NLRP12: variants seen among roughly 807,000 people sequenced by gnomAD.
The protein encoded by NLRP12 is NACHT, LRR and PYD domains-containing protein 12.
Under a neutral mutation model 91.2 loss-of-function variants are expected in NLRP12, and 108 were observed. The observed-to-expected ratio is 1.18, with a 90% confidence interval of 1.01 to 1.39. The LOEUF (loss-of-function observed/expected upper bound fraction) is 1.39, where lower values mean the gene tolerates loss of function less well. Ranked by LOEUF, NLRP12 falls within the 40% of genes most tolerant of loss-of-function variation. The pLI is 0.00. For missense variants in NLRP12, 1,530 were observed against 1,352.7 expected, an observed-to-expected ratio of 1.13 and a Z score of -2.06; for synonymous variants, 613 against 566.7, an observed-to-expected ratio of 1.08 and a Z score of -1.16.
chr19:53,804,995 A>AC (rs2091934502), intron 5 of NLRP12, among the ~76,000 whole-genome samples: 1 of 152,040 alleles, frequency 6.6e-6, no homozygotes, highest in Non-Finnish European at 1.5e-5. Flanking sequence ...GTGCCACTGC[A>AC]CCCCAACTTG....
intron 2 of NLRP12, among the ~76,000 whole-genome samples, chr19:53,812,453 G>A (rs1020362278): frequency 6.6e-6 from 1 of 152,022 alleles, no homozygotes; most frequent in East Asian, 1.9e-4. Flanking sequence ...TTCTTAATTG[G>A]GGTGACTGTG....
At position 53,820,461 on chromosome 19, in the gene NLRP12, C is replaced by T. The variant is rs563643794; in HGVS notation, c.289+3425G>A. Among the ~76,000 whole-genome samples, 115 of 151,114 alleles carry T rather than the reference C, an allele frequency of 7.6e-4. 1 individual carries two copies. Among genetic ancestry groups the T allele is most frequent in the African/African-American group, 2.5e-3 (103 of 41,234 alleles). Reference sequence around the variant, plus strand: ...AGGAGAATCACTGGAACCCGGGAGGCGGAGCTTGCACTGAGCCAAGATTGT... The same window carrying T: ...AGGAGAATCACTGGAACCCGGGAGGTGGAGCTTGCACTGAGCCAAGATTGT... On this transcript the variant is annotated intron_variant, in intron 1 of 9. Transcript: ENST00000324134.
chr19:53,823,899 C>A lies in NLRP12; in HGVS notation c.276G>T (p.Glu92Asp), dbSNP rs1477252514. Reference sequence around the variant, plus strand: ...CCACCTCCTTACCCCTCACCAGGTCCTCTCTCTGTCCTCTCTCCCACAGGT... The same window carrying A: ...CCACCTCCTTACCCCTCACCAGGTCATCTCTCTGTCCTCTCTCCCACAGGT... The part of the protein sequence containing the change: ...RKDLWERGQR[E>D]DLVRDTPPGG... The change falls in exon 1 of 10, where the codon GAG becomes GAT. Residue 92 changes from glutamate to aspartate, a missense_variant. By Grantham distance (45) the Glu-to-Asp change is conservative (BLOSUM62 2). Coordinates refer to ENST00000324134, the MANE Select transcript of NLRP12 (RefSeq NM_144687.4). 3 of 1,613,904 alleles carry A rather than the reference C, an allele frequency of 1.9e-6. No individual in the cohort carries two copies. The African/African-American group carries it at 4.0e-5, about 22-fold the overall frequency.
At chr19:53,812,447 T>G (rs975434302) in intron 2 of NLRP12, among the ~76,000 whole-genome samples, 3 of 151,708 alleles carry the variant, frequency 2.0e-5, no homozygotes, top group African/African-American at 7.3e-5. Flanking sequence ...ACAATGTTCT[T>G]AATTGGGGTG....
chr19:53,801,160 G>T, intron 7 of NLRP12, 67 bp downstream of exon 7: 1 of 1,468,416 alleles, frequency 6.8e-7, no homozygotes, highest in Non-Finnish European at 9.5e-7. Context: ...TGGCCTCCGT[G>T]GTCCCAGGTG....
chr19:53,810,315 C>T lies in NLRP12; in HGVS notation c.1344G>A (p.Gly448=). ...YLLSLMQPKP[G]APRLQPPPNQ... ...TGGGTGGGGGCTGGAGGCGCGGGGCCCCCGGCTTGGGTTGCATCAGACTCA... is the reference window on the plus strand; with the variant it reads ...TGGGTGGGGGCTGGAGGCGCGGGGCTCCCGGCTTGGGTTGCATCAGACTCA... The change falls in exon 3 of 10, where the codon GGG becomes GGA. Residue 448 remains glycine (G), a synonymous_variant. Coordinates refer to ENST00000324134, the MANE Select transcript of NLRP12 (RefSeq NM_144687.4). 3 of 1,613,720 alleles carry T rather than the reference C, an allele frequency of 1.9e-6. No individual in the cohort carries two copies. The highest frequency in any genetic ancestry group is 1.1e-5 in the South Asian group (1 of 91,082).
At chr19:53,812,879 C>CT (rs1568685297) in intron 2 of NLRP12, among the ~76,000 whole-genome samples, 4 of 110,706 alleles carry the variant, frequency 3.6e-5, no homozygotes, top group South Asian at 3.0e-4. Flanking sequence ...TCATCAATAT[C>CT]TCTTTTTTTT....
intron 1 of NLRP12, among the ~76,000 whole-genome samples, chr19:53,819,656 T>TACAC (rs1555799160): frequency 2.7e-5 from 1 of 37,548 alleles, no homozygotes; most frequent in East Asian, 8.4e-4. Context: ...CGTATATATA[T>TACAC]ACACATGTAT....
chr19:53,798,457 T>C (rs1315830018), intron 7 of NLRP12, 44 bp from the exon 8 acceptor site: 3 of 1,586,150 alleles, frequency 1.9e-6, no homozygotes, highest in Non-Finnish European at 8.6e-7. Flanking sequence ...GCATTCCTCC[T>C]GCAAAATCTG....
chr19:53,812,146 T>C (rs75850700), intron 2 of NLRP12, among the ~76,000 whole-genome samples: 1 of 151,812 alleles, frequency 6.6e-6, no homozygotes, highest in Admixed American at 6.6e-5. Context: ...TTTTTTTTTT[T>C]TTCAGTACAG....
chr19:53,816,262 T>C (rs2092157632), intron 1 of NLRP12, among the ~76,000 whole-genome samples: 1 of 152,120 alleles, frequency 6.6e-6, no homozygotes, highest in Non-Finnish European at 1.5e-5. Flanking sequence ...GTCCTCACTC[T>C]GATAAGTTTT....
rs570911214 is a variant in NLRP12, at chr19:53,823,860, C to G, written c.289+26G>C. ...TCACTGGACCCGGCTGGCATTCTAG[C>G]CTTGCCTGTCCCGCCACCTCCTTAC... On this transcript the variant is annotated intron_variant, in intron 1 of 9. Transcript: ENST00000324134. The G allele has an allele frequency of 5.6e-6, 9 of 1,613,310 alleles. No homozygotes were observed. In the South Asian group the frequency reaches 8.8e-5, roughly 16 times the overall value.
At chr19:53,795,629 C>T (rs924725318) in intron 9 of NLRP12, among the ~76,000 whole-genome samples, 3 of 151,946 alleles carry the variant, frequency 2.0e-5, no homozygotes, top group Non-Finnish European at 2.9e-5. Flanking sequence ...CCGCCTCGGC[C>T]TCCCAAAGTG....
intron 3 of NLRP12, 76 bp from the exon 4 acceptor site, chr19:53,807,741 C>A: frequency 1.3e-6 from 2 of 1,528,644 alleles, no homozygotes; most frequent in Non-Finnish European, 1.8e-6. Context: ...GTCATTTCAC[C>A]GTTTATGAAG....
chr19:53,812,725 TAAAA>T (rs952689255), intron 2 of NLRP12, among the ~76,000 whole-genome samples: 1 of 151,716 alleles, frequency 6.6e-6, no homozygotes, highest in African/African-American at 2.4e-5. Context: ...GAGAGAAGCT[TAAAA>T]AAAAGAATCT....
At chr19:53,813,788 A>G (rs2092117052) in intron 2 of NLRP12, among the ~76,000 whole-genome samples, 1 of 151,698 alleles carries the variant, frequency 6.6e-6, no homozygotes, top group Admixed American at 6.6e-5. Flanking sequence ...CCTGGGCTCA[A>G]CTAATCCTCC....
intron 3 of NLRP12, 32 bp from the exon 4 acceptor site, chr19:53,807,697 T>G: frequency 6.2e-7 from 1 of 1,613,162 alleles, no homozygotes; most frequent in Non-Finnish European, 8.5e-7. Context: ...CACTCTCTGG[T>G]GTTACTGGTG....
At position 53,823,734 on chromosome 19, in the gene NLRP12, G is replaced by A. The variant is rs2092303563; in HGVS notation, c.289+152C>T. 3.5e-6 allele frequency: 3 copies of A among 859,890 alleles called. No homozygotes were observed. The South Asian group carries it at 4.5e-5, about 13-fold the overall frequency. The allele number at this position is 859,890 out of a possible 1,614,324, so 53.3% of individuals were successfully genotyped here. On this transcript the variant is annotated intron_variant, in intron 1 of 9. Coordinates refer to ENST00000324134, the MANE Select transcript of NLRP12 (RefSeq NM_144687.4). Reference sequence around the variant, plus strand: ...TGGCTAATTTTTTTTATTTTTGGTAGAGACAGAGCCTCACTATGTTGTCCA... The same window carrying A: ...TGGCTAATTTTTTTTATTTTTGGTAAAGACAGAGCCTCACTATGTTGTCCA...
At chr19:53,812,700 C>T (rs1438214370) in intron 2 of NLRP12, among the ~76,000 whole-genome samples, 1 of 151,762 alleles carries the variant, frequency 6.6e-6, no homozygotes, top group African/African-American at 2.4e-5. Context: ...CAGCAGAGGC[C>T]CATGATAGCT....
Sources: allele counts gnomAD v4.1 joint callset (sites outside exome capture counted in the v4.1 genomes callset), GRCh38; gene constraint gnomAD v4.1.1; transcripts MANE v1.5; gene names NCBI Gene and HGNC (gene_info 2026-07-23, HGNC 2026-07-21).